OR2L13: variants seen among roughly 807,000 people sequenced by gnomAD.
OR2L13 encodes the protein olfactory receptor family 2 subfamily L member 13.
Under a neutral mutation model 15.3 loss-of-function variants are expected in OR2L13, and 14 were observed. The observed-to-expected ratio is 0.91, with a 90% CI of 0.60 to 1.43. The LOEUF is 1.43. OR2L13 is among the 40% of genes most tolerant of loss of function. The pLI, the probability that OR2L13 is intolerant of heterozygous loss-of-function variation, is 0.00. For missense variants in OR2L13, 367 were observed against 387.9 expected, an observed-to-expected ratio of 0.95 and a Z score of 0.45; for synonymous variants, 152 against 142.9, an observed-to-expected ratio of 1.06 and a Z score of -0.45.
At chr1:247,955,000 A>G in the OR2L13 span, among the ~76,000 whole-genome samples, 1 of 151,920 alleles carries the variant, frequency 6.6e-6, no homozygotes, top group South Asian at 2.1e-4. Flanking sequence ...CATAACGTGC[A>G]GGTTAGTTAC....
chr1:247,961,215 G>A, the OR2L13 span, among the ~76,000 whole-genome samples: 1 of 152,146 alleles, frequency 6.6e-6, no homozygotes, highest in East Asian at 1.9e-4. Flanking sequence ...ATATGAGCCT[G>A]GAATAAATTC....
chr1:248,019,728 C>A, the OR2L13 span, among the ~76,000 whole-genome samples: 51 of 149,694 alleles, frequency 3.4e-4, no homozygotes, highest in African/African-American at 1.2e-3. Flanking sequence ...TCCTCCTCCT[C>A]CTTCCTTCCT....
At chr1:248,003,886 A>G in the OR2L13 span, 2 of 1,612,336 alleles carry the variant, frequency 1.2e-6, no homozygotes, top group Non-Finnish European at 1.7e-6. Context: ...TCTACTATAC[A>G]CCTTTTGTCT....
the OR2L13 span, among the ~76,000 whole-genome samples, chr1:248,017,631 C>T: frequency 6.6e-6 from 1 of 152,046 alleles, no homozygotes; most frequent in East Asian, 1.9e-4. Context: ...GGGGTCTTGG[C>T]GTGAATGACA....
chr1:247,949,915 A>C, the OR2L13 span: 3 of 655,298 alleles, frequency 4.6e-6, no homozygotes, highest in Admixed American at 3.4e-5. Flanking sequence ...GGAAGAAGAA[A>C]ATCACTGATA....
chr1:248,051,372 A>G, the OR2L13 span: 2 of 152,210 alleles, frequency 1.3e-5, no homozygotes, highest in Non-Finnish European at 2.9e-5. Flanking sequence ...TATACATACT[A>G]TATTTATATT....
the OR2L13 span, among the ~76,000 whole-genome samples, chr1:248,058,098 T>TA: frequency 6.7e-6 from 1 of 150,218 alleles, no homozygotes; most frequent in Non-Finnish European, 1.5e-5. Context: ...AGCTGTGGGT[T>TA]AAAATCCCAA....
chr1:248,003,463 G>A, the OR2L13 span: 78 of 1,608,642 alleles, frequency 4.8e-5, 1 homozygote, highest in Non-Finnish European at 6.0e-5. Flanking sequence ...TTGTAGAAGC[G>A]CTACTCCTGA....
the OR2L13 span, among the ~76,000 whole-genome samples, chr1:248,027,125 AG>A: frequency 6.6e-6 from 1 of 152,086 alleles, no homozygotes; most frequent in African/African-American, 2.4e-5. Context: ...ATGAGTTCCT[AG>A]GGGGCGGCCT....
the OR2L13 span, among the ~76,000 whole-genome samples, chr1:247,985,098 AT>A: frequency 1.3e-5 from 2 of 151,998 alleles, no homozygotes; most frequent in African/African-American, 4.8e-5. Context: ...TTACTACATT[AT>A]TTTTTACTCT....
chr1:247,997,124 A>G, the OR2L13 span: 2 of 152,196 alleles, frequency 1.3e-5, no homozygotes, highest in Non-Finnish European at 2.9e-5. Context: ...AAATAAAAAT[A>G]CATATCAAAA....
At chr1:248,096,169 G>C (rs1251267415), upstream of OR2L13, among the ~76,000 whole-genome samples, 1 of 151,872 alleles carries the variant, frequency 6.6e-6, no homozygotes, top group Non-Finnish European at 1.5e-5. Context: ...ACGAGGTCAG[G>C]AGATCGAGAC....
the OR2L13 span, among the ~76,000 whole-genome samples, chr1:247,995,991 C>T: frequency 6.6e-6 from 1 of 152,310 alleles, no homozygotes; most frequent in African/African-American, 2.4e-5. Flanking sequence ...ACTCGCTTCT[C>T]CACCAATCAG....
At chr1:247,969,384 A>T in the OR2L13 span, among the ~76,000 whole-genome samples, 1 of 152,098 alleles carries the variant, frequency 6.6e-6, no homozygotes, top group African/African-American at 2.4e-5. Flanking sequence ...TTTTGTTGCC[A>T]TTGCTTTTGG....
chr1:247,987,219 G>A, the OR2L13 span, among the ~76,000 whole-genome samples: 1 of 152,102 alleles, frequency 6.6e-6, no homozygotes, highest in East Asian at 1.9e-4. Context: ...GACTATTGTT[G>A]CATGCTGCAA....
chr1:247,960,945 C>T, the OR2L13 span, among the ~76,000 whole-genome samples: 13 of 152,128 alleles, frequency 8.5e-5, no homozygotes, highest in Non-Finnish European at 1.6e-4. Context: ...CACCCAGTGT[C>T]CTGTACCCAC....
the OR2L13 span, among the ~76,000 whole-genome samples, chr1:248,057,982 T>C: frequency 6.6e-6 from 1 of 152,234 alleles, no homozygotes; most frequent in Admixed American, 6.5e-5. Context: ...TTAATTGTTT[T>C]GACTGAACTT....
the OR2L13 span, among the ~76,000 whole-genome samples, chr1:248,069,961 C>T: frequency 4.7e-3 from 713 of 152,004 alleles, 6 homozygotes; most frequent in African/African-American, 0.016. Flanking sequence ...ACAGGAGCAC[C>T]CAGATTCATA....
chr1:248,050,105 G>A, the OR2L13 span, among the ~76,000 whole-genome samples: 17 of 152,254 alleles, frequency 1.1e-4, no homozygotes, highest in Non-Finnish European at 2.4e-4. Context: ...GTCTGTGAAA[G>A]TTCACGCCTC....
Sources: gnomAD v4.1 joint callset for allele counts (sites outside exome capture counted in the v4.1 genomes callset) on GRCh38, gnomAD v4.1.1 for gene constraint, MANE v1.5 for transcripts, NCBI Gene and HGNC (gene_info 2026-07-23, HGNC 2026-07-21) for gene names.